Variants in TNFSF4 observed in about 807,000 individuals in gnomAD.
TNFSF4 encodes tumor necrosis factor ligand superfamily member 4.
TNFSF4 carries 4 observed loss-of-function variants against 7.3 expected under a neutral mutation model. The ratio of observed to expected loss-of-function variants is 0.55; its 90% CI spans 0.27 to 1.25. The LOEUF is 1.25. Ranked by LOEUF, TNFSF4 falls within the 50% of genes most tolerant of loss-of-function variation. The pLI, the probability that TNFSF4 is intolerant of heterozygous loss-of-function variation, is 0.12. For synonymous variants in TNFSF4, 76 were observed against 83.7 expected (o/e 0.91, Z 0.50); for missense variants, 181 against 208.8 (o/e 0.87, Z 0.82).
the TNFSF4 span, among the ~76,000 whole-genome samples, chr1:173,259,090 T>C: frequency 6.6e-6 from 1 of 151,944 alleles, no homozygotes; most frequent in Non-Finnish European, 1.5e-5. Flanking sequence ...ACAGGAGCAT[T>C]CCCACTGGCA....
the TNFSF4 span, chr1:173,362,489 G>A: frequency 5.6e-6 from 3 of 539,940 alleles, no homozygotes; most frequent in Non-Finnish European, 1.1e-5. Context: ...TTCTCCAGCT[G>A]GGCTTGGTAT....
chr1:173,441,080 A>T, the TNFSF4 span, among the ~76,000 whole-genome samples: 4,750 of 152,214 alleles, frequency 0.031, 113 homozygotes, highest in Middle Eastern at 0.075. Context: ...AGCAGGGGTA[A>T]CCTCCTCTCA....
chr1:173,318,866 C>T, the TNFSF4 span, among the ~76,000 whole-genome samples: 1 of 152,148 alleles, frequency 6.6e-6, no homozygotes, highest in Non-Finnish European at 1.5e-5. Context: ...AGGAGACTCC[C>T]TCATGTGCCT....
chr1:173,358,467 G>T, the TNFSF4 span, among the ~76,000 whole-genome samples: 1 of 152,242 alleles, frequency 6.6e-6, no homozygotes, highest in African/African-American at 2.4e-5. Context: ...CTGCTGCTGG[G>T]AGTATAAGTT....
At chr1:173,212,311 C>A (rs533704207), upstream of TNFSF4, among the ~76,000 whole-genome samples, 91 of 152,246 alleles carry the variant, frequency 6.0e-4, no homozygotes, top group Admixed American at 9.8e-4. Context: ...AACATCGAAA[C>A]CATAGCAGTA....
the TNFSF4 span, among the ~76,000 whole-genome samples, chr1:173,385,167 AT>A: frequency 1.3e-5 from 2 of 152,226 alleles, no homozygotes; most frequent in Non-Finnish European, 2.9e-5. Context: ...AATGAATTTT[AT>A]TGGGTTCTTG....
At chr1:173,342,555 G>A in the TNFSF4 span, among the ~76,000 whole-genome samples, 19 of 151,558 alleles carry the variant, frequency 1.3e-4, no homozygotes, top group South Asian at 6.3e-4. Context: ...CATATTATCC[G>A]TTTCTCAAAC....
the TNFSF4 span, among the ~76,000 whole-genome samples, chr1:173,237,606 A>G: frequency 4.6e-5 from 7 of 152,230 alleles, no homozygotes; most frequent in African/African-American, 1.7e-4. Context: ...ATTCTTATAC[A>G]CTAATAGCAT....
At chr1:173,175,396 T>A in the TNFSF4 span, 2 of 152,222 alleles carry the variant, frequency 1.3e-5, no homozygotes, top group Admixed American at 6.5e-5. Flanking sequence ...TTAACAAATA[T>A]TTGTTTAAAT....
the TNFSF4 span, among the ~76,000 whole-genome samples, chr1:173,260,543 T>C: frequency 6.6e-6 from 1 of 152,142 alleles, no homozygotes; most frequent in Admixed American, 6.5e-5. Flanking sequence ...AGGCATAGAA[T>C]GGCAAGCTGG....
the TNFSF4 span, among the ~76,000 whole-genome samples, chr1:173,173,249 T>C: frequency 2.0e-5 from 3 of 152,148 alleles, no homozygotes; most frequent in Non-Finnish European, 2.9e-5. Flanking sequence ...AAAACACAAT[T>C]ATGCCTTCCC....
chr1:173,313,435 G>A, the TNFSF4 span, among the ~76,000 whole-genome samples: 1 of 151,962 alleles, frequency 6.6e-6, no homozygotes, highest in Non-Finnish European at 1.5e-5. Flanking sequence ...AACTCTTTTG[G>A]AATATCGGAT....
the TNFSF4 span, among the ~76,000 whole-genome samples, chr1:173,378,083 C>T: frequency 2.6e-5 from 4 of 152,134 alleles, no homozygotes; most frequent in African/African-American, 4.8e-5. Context: ...TGCAGGTTTT[C>T]GAGAATGCAT....
chr1:173,237,015 T>C, the TNFSF4 span, among the ~76,000 whole-genome samples: 1 of 152,212 alleles, frequency 6.6e-6, no homozygotes, highest in Non-Finnish European at 1.5e-5. Context: ...TAGGGGTGAT[T>C]TCCCCCATAT....
At chr1:173,275,371 G>C in the TNFSF4 span, among the ~76,000 whole-genome samples, 1 of 152,018 alleles carries the variant, frequency 6.6e-6, no homozygotes, top group African/African-American at 2.4e-5. Context: ...CAAATCTACT[G>C]TCTGACCTGG....
the TNFSF4 span, among the ~76,000 whole-genome samples, chr1:173,276,889 T>C: frequency 1.3e-5 from 2 of 152,138 alleles, no homozygotes; most frequent in African/African-American, 4.8e-5. Flanking sequence ...AATGTACATA[T>C]GATATCTAAC....
the TNFSF4 span, among the ~76,000 whole-genome samples, chr1:173,232,899 A>G: frequency 6.6e-6 from 1 of 152,200 alleles, no homozygotes; most frequent in Non-Finnish European, 1.5e-5. Flanking sequence ...TTTTGCATCA[A>G]TGTTCATCAG....
At chr1:173,245,496 G>C in the TNFSF4 span, among the ~76,000 whole-genome samples, 1 of 151,988 alleles carries the variant, frequency 6.6e-6, no homozygotes, top group African/African-American at 2.4e-5. Flanking sequence ...ATATTTATGG[G>C]GTACAGCGTG....
the TNFSF4 span, among the ~76,000 whole-genome samples, chr1:173,378,947 G>C: frequency 1.7e-4 from 26 of 149,886 alleles, no homozygotes; most frequent in South Asian, 5.7e-3. Flanking sequence ...GGCCCATCCC[G>C]AGTACATGTC....
Sources: allele counts gnomAD v4.1 joint callset (sites outside exome capture counted in the v4.1 genomes callset), GRCh38; gene constraint gnomAD v4.1.1; transcripts MANE v1.5; gene names NCBI Gene and HGNC (gene_info 2026-07-23, HGNC 2026-07-21).